The following MACF1 variants were observed in gnomAD, a reference collection of about 807,000 sequenced individuals.
MACF1 encodes microtubule-actin cross-linking factor 1.
In MACF1, 193 loss-of-function variants were observed where a neutral mutation model predicts 854.8. The ratio of observed to expected loss-of-function variants is 0.23; its 90% confidence interval spans 0.20 to 0.25. MACF1 has a LOEUF of 0.25. MACF1 is among the 10% of genes least tolerant of loss of function. MACF1 has a pLI of 1.00. For missense variants in MACF1, 7,722 were observed against 8,929.1 expected (o/e 0.86, Z 5.45); for synonymous variants, 3,185 against 3,226.7 (o/e 0.99, Z 0.44).
At chr1:39,276,565 C>T (rs892610475) in intron 6 of MACF1, among the ~76,000 whole-genome samples, 2 of 152,268 alleles carry the variant, frequency 1.3e-5, no homozygotes, top group African/African-American at 2.4e-5. Context: ...CCACTTTCTA[C>T]GTGGAATTCC....
At chr1:39,093,031 G>A (rs1254508549) in intron 2 of MACF1, among the ~76,000 whole-genome samples, 4 of 151,984 alleles carry the variant, frequency 2.6e-5, no homozygotes, top group Admixed American at 6.6e-5. Context: ...TGATCCACCC[G>A]CCTGGGCCTC....
At position 39,300,400 on chromosome 1, in the gene MACF1, G is replaced by A. The variant is rs1313146013; in HGVS notation, c.2634+38G>A. On this transcript the variant is annotated intron_variant, in intron 22 of 100. Coordinates refer to ENST00000564288, the MANE Select transcript of MACF1 (RefSeq NM_001394062.1). ...AAAGGGTACCTCTGGGCCACAGGGG[G>A]AAGGAAGAAAGAAGGGAAGCCTTCA... 1.9e-6 allele frequency: 3 copies of A among 1,581,542 alleles called. No individual in the cohort carries two copies. In the African/African-American group the frequency reaches 4.1e-5, roughly 22 times the overall value.
At chr1:39,337,921 C>G (rs543195866) in intron 38 of MACF1, among the ~76,000 whole-genome samples, 1 of 152,076 alleles carries the variant, frequency 6.6e-6, no homozygotes, top group Admixed American at 6.5e-5. Flanking sequence ...AGGCGCCTGC[C>G]GCCACGCCCA....
intron 1 of MACF1, among the ~76,000 whole-genome samples, chr1:39,223,356 G>A (rs78500215): frequency 0.023 from 3,503 of 152,240 alleles, 83 homozygotes; most frequent in East Asian, 0.13. Context: ...GGTAGAGCTG[G>A]GTTCAAGTTT....
chr1:39,327,498 T>A, intron 36 of MACF1, 145 bp downstream of exon 36: 1 of 859,772 alleles, frequency 1.2e-6, no homozygotes, highest in Non-Finnish European at 1.7e-6. Context: ...CCATTTGTCT[T>A]GTGTTTCTTT....
intron 2 of MACF1, among the ~76,000 whole-genome samples, chr1:39,089,207 T>C (rs1290472622): frequency 6.6e-6 from 1 of 152,178 alleles, no homozygotes; most frequent in African/African-American, 2.4e-5. Context: ...CTATTTTTTT[T>C]TTAAGTAGTT....
rs1646757611 is a variant in MACF1, at chr1:39,333,238, C to T, written c.6650C>T (p.Thr2217Ile). ...ATAAAGTTAGAACTAAAGTCTGAAA[C>T]TGATGGGAATGTTCATCCTCTGGAC... is the stretch of plus-strand genomic sequence containing the variant. ...LGIKLELKSE[T>I]DGNVHPLDKK... The change falls in exon 37 of 101, where the codon ACT (threonine) becomes ATT (isoleucine). Residue 2217 changes from threonine to isoleucine, a missense_variant. Physicochemically the swap from Thr to Ile is moderately conservative, Grantham distance 89. Coordinates refer to ENST00000564288, the MANE Select transcript of MACF1 (RefSeq NM_001394062.1). 1 of 1,613,306 alleles carries T rather than the reference C, an allele frequency of 6.2e-7. No homozygotes were observed. The highest frequency in any genetic ancestry group is 8.5e-7 in the Non-Finnish European group (1 of 1,179,866).
At chr1:39,102,340 AG>A (rs1441638811) in intron 2 of MACF1, among the ~76,000 whole-genome samples, 1 of 151,288 alleles carries the variant, frequency 6.6e-6, no homozygotes, top group Non-Finnish European at 1.5e-5. Flanking sequence ...GCCCTCAGGG[AG>A]CTTACGATTT....
chr1:39,384,528 G>GA (rs1650520883), intron 56 of MACF1, among the ~76,000 whole-genome samples: 1 of 152,054 alleles, frequency 6.6e-6, no homozygotes. Context: ...ACAGAACCAG[G>GA]ATTTGAACAC....
intron 2 of MACF1, among the ~76,000 whole-genome samples, chr1:39,136,875 G>A (rs570242939): frequency 3.0e-4 from 45 of 152,210 alleles, no homozygotes; most frequent in Middle Eastern, 3.4e-3. Flanking sequence ...AAAGACAAGC[G>A]TGAGAGTGTT....
At chr1:39,230,971 C>T (rs1463694858) in intron 1 of MACF1, among the ~76,000 whole-genome samples, 2 of 152,134 alleles carry the variant, frequency 1.3e-5, no homozygotes, top group African/African-American at 2.4e-5. Context: ...TTTTGAGGCA[C>T]GTGGTGATTC....
chr1:39,085,748 T>C (rs1363212341), intron 2 of MACF1, among the ~76,000 whole-genome samples: 1 of 152,188 alleles, frequency 6.6e-6, no homozygotes, highest in African/African-American at 2.4e-5. Flanking sequence ...TCATTGCCTG[T>C]GGAATCAAGG....
At chr1:39,350,324 C>T (rs907785486) in intron 42 of MACF1, among the ~76,000 whole-genome samples, 7 of 152,152 alleles carry the variant, frequency 4.6e-5, no homozygotes, top group African/African-American at 1.7e-4. Context: ...CGAAAGAAAG[C>T]TAGTTCGACT....
At chr1:39,425,297 G>A (rs1381429831) in intron 61 of MACF1, among the ~76,000 whole-genome samples, 1 of 152,090 alleles carries the variant, frequency 6.6e-6, no homozygotes, top group Admixed American at 6.5e-5. Context: ...CTCACTAGGT[G>A]TATAGAGATA....
chr1:39,255,389 G>C (rs1645085758), intron 5 of MACF1, among the ~76,000 whole-genome samples: 1 of 152,192 alleles, frequency 6.6e-6, no homozygotes, highest in African/African-American at 2.4e-5. Context: ...ATGGATGAGG[G>C]AGTCAAAGAG....
At chr1:39,304,047 T>G (rs932946824) in intron 23 of MACF1, among the ~76,000 whole-genome samples, 2 of 151,584 alleles carry the variant, frequency 1.3e-5, no homozygotes, top group African/African-American at 4.8e-5. Flanking sequence ...TACTTTAAGT[T>G]CTAGGGCACA....
At chr1:39,117,523 A>C (rs980176912) in intron 2 of MACF1, among the ~76,000 whole-genome samples, 1 of 140,094 alleles carries the variant, frequency 7.1e-6, no homozygotes, top group Non-Finnish European at 1.5e-5. Context: ...TTGTCTCTCA[A>C]CCTGCAAGAG....
intron 2 of MACF1, among the ~76,000 whole-genome samples, chr1:39,174,013 G>T (rs898699708): frequency 2.0e-5 from 3 of 152,030 alleles, no homozygotes; most frequent in Non-Finnish European, 4.4e-5. Flanking sequence ...AGGAATGATA[G>T]CTAAATAGAA....
chr1:39,379,135 G>A, intron 53 of MACF1, 68 bp from the exon 54 acceptor site: 4 of 1,456,156 alleles, frequency 2.7e-6, no homozygotes, highest in Non-Finnish European at 2.8e-6. Context: ...AAGTAATTTA[G>A]GAGTGAGGAG....
Sources: allele counts gnomAD v4.1 joint callset (sites outside exome capture counted in the v4.1 genomes callset), GRCh38; gene constraint gnomAD v4.1.1; transcripts MANE v1.5; gene names NCBI Gene and HGNC (gene_info 2026-07-23, HGNC 2026-07-21).